Variants in VAV2 observed in about 807,000 individuals in gnomAD.
VAV2 encodes guanine nucleotide exchange factor VAV2.
VAV2 carries 67 observed loss-of-function variants against 132.5 expected under a neutral mutation model. That is an observed-to-expected ratio of 0.51 (90% CI 0.42 to 0.62). The LOEUF (loss-of-function observed/expected upper bound fraction) is 0.62, where lower values mean the gene tolerates loss of function less well. Among genes scored for constraint, VAV2 ranks in the 20% least tolerant of loss-of-function variants. The pLI, the probability that VAV2 is intolerant of heterozygous loss-of-function variation, is 0.00. For missense variants in VAV2, 938 were observed against 1,153.6 expected, an observed-to-expected ratio of 0.81 and a Z score of 2.71; for synonymous variants, 492 against 443.5, an observed-to-expected ratio of 1.11 and a Z score of -1.37.
rs80118744 is a variant in VAV2, at chr9:133,784,382, G to A, written c.1569C>T (p.His523=). 265 of 1,614,242 alleles carry A rather than the reference G, an allele frequency of 1.6e-4. 1 individual carries two copies. In the East Asian group the frequency reaches 5.2e-3, roughly 32 times the overall value. ...CAAACGTGTACATCTGGAAACTGTGGTGGTTGGCATTGGCTTTGTCTGGCT... is the reference window on the plus strand; with the variant it reads ...CAAACGTGTACATCTGGAAACTGTGATGGTTGGCATTGGCTTTGTCTGGCT... The part of the protein sequence containing the change: ...NIKPDKANAN[H]HSFQMYTFDK... The change falls in exon 18 of 30, where the codon CAC becomes CAT. Residue 523 remains histidine (H), a synonymous_variant. Transcript: ENST00000371850.
At position 133,795,651 on chromosome 9, in the gene VAV2, T is replaced by A. The variant is rs1203283376; in HGVS notation, c.1101+17A>T. On this transcript the variant is annotated intron_variant, in intron 12 of 29. Transcript: ENST00000371850. Reference sequence around the variant, plus strand: ...GCCAGACGGTGGCTTCTCCCCTGCCTCAGTTTACCCACACACCTGCATGGC... The same window carrying A: ...GCCAGACGGTGGCTTCTCCCCTGCCACAGTTTACCCACACACCTGCATGGC... 9.3e-6 allele frequency: 15 copies of A among 1,613,798 alleles called. No homozygotes were observed. The highest frequency in any genetic ancestry group is 1.3e-5 in the African/African-American group (1 of 75,036).
chr9:133,783,876 C>CTTTTTTTTTTTTTTTTTTTT lies in VAV2; in HGVS notation c.1635-286_1635-285insAAAAAAAAAAAAAAAAAAAA, dbSNP rs1564342140. Reference sequence around the variant, plus strand: ...TGAAACTCTAAGGGCTTGGCTGGGCCGTTTTTTTTTTTTTTTTTTTTGGAG... The same window carrying CTTTTTTTTTTTTTTTTTTTT: ...TGAAACTCTAAGGGCTTGGCTGGGCCTTTTTTTTTTTTTTTTTTTTGTTTTTTTTTTTTTTTTTTTTGGAG... On this transcript the variant is annotated intron_variant, in intron 18 of 29. Coordinates refer to ENST00000371850, the MANE Select transcript of VAV2 (RefSeq NM_001134398.2). 1.6e-5 allele frequency among the ~76,000 whole-genome samples: 2 copies of CTTTTTTTTTTTTTTTTTTTT among 124,974 alleles called. 1 individual carries two copies. The allele number at this position is 124,974 out of a possible 152,430, so 82.0% of individuals were successfully genotyped here. A position where few individuals can be genotyped will look rare whatever the true frequency, so the allele number is the denominator to read the frequency against.
chr9:133,763,982 C>A lies in VAV2; in HGVS notation c.*80G>T. On this transcript the variant is annotated 3_prime_UTR_variant, in exon 30 of 30. Transcript: ENST00000371850. The surrounding 1 kb of genome is among the most constrained non-coding windows in gnomAD (Gnocchi z 6.8). ...GGAGGTTGGTATTTCCCCTCTGAGTCACAGAGGAGCTAGAGACAGACTTCA... is the reference window on the plus strand; with the variant it reads ...GGAGGTTGGTATTTCCCCTCTGAGTAACAGAGGAGCTAGAGACAGACTTCA... The A allele has an allele frequency of 1.9e-6, 3 of 1,553,692 alleles. No individual in the cohort carries two copies. The highest frequency in any genetic ancestry group is 2.2e-5 in the South Asian group (2 of 89,380).
intron 6 of VAV2, 66 bp downstream of exon 6, chr9:133,810,125 C>A: frequency 6.2e-7 from 1 of 1,608,588 alleles, no homozygotes; most frequent in Non-Finnish European, 8.5e-7. Context: ...GGTCTGAGAC[C>A]TCCCTGAAAG....
intron 4 of VAV2, among the ~76,000 whole-genome samples, chr9:133,825,583 A>G (rs1835954792): frequency 6.6e-6 from 1 of 152,316 alleles, no homozygotes; most frequent in African/African-American, 2.4e-5. Context: ...GGCGTCCTCC[A>G]CAACGCGGAC....
intron 1 of VAV2, among the ~76,000 whole-genome samples, chr9:133,987,049 A>G (rs1459493049): frequency 1.3e-5 from 2 of 150,436 alleles, no homozygotes; most frequent in African/African-American, 2.4e-5. Flanking sequence ...TTATTTATTT[A>G]TTATTTCTCG....
intron 1 of VAV2, among the ~76,000 whole-genome samples, chr9:133,978,584 A>G (rs1393854770): frequency 6.6e-6 from 1 of 152,262 alleles, no homozygotes; most frequent in African/African-American, 2.4e-5. Flanking sequence ...CCTAGGGGAC[A>G]AGGAGTAGGT....
Position 133,824,963 on chromosome 9 carries a change from T to G in VAV2, c.449+9309A>C, listed in dbSNP as rs1018778714. On this transcript the variant is annotated intron_variant, in intron 4 of 29. Transcript: ENST00000371850. This position sits in a 1 kb window ranked among gnomAD's most constrained non-coding sequence, Gnocchi z 5.2. ...CTCCGGGGACGCTGGCTTCATTCAC[T>G]CCATTCTGCCAGTCCCCACAGAGGC... 6.6e-6 allele frequency among the ~76,000 whole-genome samples: 1 copy of G among 152,124 alleles called. No homozygotes were observed. The highest frequency in any genetic ancestry group is 1.5e-5 in the Non-Finnish European group (1 of 68,018).
At chr9:133,776,462 T>C (rs1833815402) in intron 23 of VAV2, among the ~76,000 whole-genome samples, 1 of 152,152 alleles carries the variant, frequency 6.6e-6, no homozygotes, top group East Asian at 1.9e-4. Context: ...GTGGCCACAC[T>C]CAGGCAGGTG....
intron 1 of VAV2, among the ~76,000 whole-genome samples, chr9:133,988,446 G>A (rs1160563281): frequency 2.0e-5 from 3 of 152,132 alleles, no homozygotes; most frequent in African/African-American, 7.2e-5. Context: ...TGGGGTGATG[G>A]GGAGTCACTC....
chr9:133,974,580 G>A (rs1842446076), intron 1 of VAV2, among the ~76,000 whole-genome samples: 1 of 152,184 alleles, frequency 6.6e-6, no homozygotes, highest in Non-Finnish European at 1.5e-5. Flanking sequence ...GTGGAAATGG[G>A]TAAACTGAGG....
intron 4 of VAV2, 114 bp from the exon 5 acceptor site, chr9:133,812,330 C>A: frequency 2.1e-6 from 2 of 969,710 alleles, no homozygotes; most frequent in South Asian, 2.9e-5. Context: ...ACAGCGAGGT[C>A]ACCTGCCCGG....
At chr9:133,962,042 A>G (rs1454827713) in intron 1 of VAV2, among the ~76,000 whole-genome samples, 1 of 152,194 alleles carries the variant, frequency 6.6e-6, no homozygotes, top group Non-Finnish European at 1.5e-5. Flanking sequence ...CCAGAGGCTT[A>G]GCACTGACAT....
At chr9:133,976,033 TA>T (rs556066186) in intron 1 of VAV2, among the ~76,000 whole-genome samples, 41 of 136,876 alleles carry the variant, frequency 3.0e-4, no homozygotes, top group African/African-American at 4.3e-4. Context: ...CCATCTCTAC[TA>T]AAAAAAAAAA....
At chr9:133,899,678 G>A (rs1839361903) in intron 2 of VAV2, among the ~76,000 whole-genome samples, 2 of 148,780 alleles carry the variant, frequency 1.3e-5, no homozygotes, top group Non-Finnish European at 3.0e-5. Flanking sequence ...CCAAAGTGCT[G>A]GGATTACATG....
intron 19 of VAV2, among the ~76,000 whole-genome samples, chr9:133,782,037 C>T (rs1417653396): frequency 6.6e-6 from 1 of 151,930 alleles, no homozygotes; most frequent in Non-Finnish European, 1.5e-5. Flanking sequence ...GTTTTTCTCT[C>T]CTCCTTTACA....
At chr9:133,864,983 G>C (rs1837743681) in intron 2 of VAV2, among the ~76,000 whole-genome samples, 1 of 152,216 alleles carries the variant, frequency 6.6e-6, no homozygotes, top group Non-Finnish European at 1.5e-5. Flanking sequence ...AACTCCACCT[G>C]AGAAACCTTT....
intron 26 of VAV2, among the ~76,000 whole-genome samples, chr9:133,771,067 T>TC (rs1258668370): frequency 1.4e-5 from 2 of 147,850 alleles, no homozygotes; most frequent in Admixed American, 6.7e-5. Flanking sequence ...ATTTTCTTTT[T>TC]TTTTTTTTTT....
chr9:133,798,852 G>C (rs946810097), intron 9 of VAV2, among the ~76,000 whole-genome samples: 8 of 152,240 alleles, frequency 5.3e-5, no homozygotes, highest in African/African-American at 1.9e-4. Context: ...TGACAGTCTG[G>C]CCTGCAAGGC....
Sources: gnomAD v4.1 joint callset for allele counts (sites outside exome capture counted in the v4.1 genomes callset) on GRCh38, gnomAD v4.1.1 for gene constraint, Gnocchi (gnomAD v3.1) non-coding constraint, MANE v1.5 for transcripts, NCBI Gene and HGNC (gene_info 2026-07-23, HGNC 2026-07-21) for gene names.